The following SUN2 variants were observed in gnomAD, a reference collection of about 807,000 sequenced individuals.
SUN2 encodes the protein Sad1 and UNC84 domain containing 2.
In SUN2, 60 loss-of-function variants were observed where a neutral mutation model predicts 100.0. The observed-to-expected ratio is 0.60, with a 90% confidence interval of 0.49 to 0.74. The LOEUF (loss-of-function observed/expected upper bound fraction) is 0.74, where lower values mean the gene tolerates loss of function less well. Among genes scored for constraint, SUN2 ranks in the 30% least tolerant of loss-of-function variants. SUN2 has a pLI of 0.00. For missense variants in SUN2, 834 were observed against 954.6 expected, an observed-to-expected ratio of 0.87 and a Z score of 1.66; for synonymous variants, 367 against 403.3, an observed-to-expected ratio of 0.91 and a Z score of 1.08.
Position 38,755,304 on chromosome 22 carries a change from G to T in SUN2, c.-38+459C>A. The T allele has an allele frequency of 8.9e-7, 1 of 1,120,384 alleles. No homozygotes were observed. Among genetic ancestry groups the T allele is most frequent in the Non-Finnish European group, 1.1e-6 (1 of 907,782 alleles). 69.4% of individuals were successfully genotyped at this position (1,120,384 alleles called of 1,614,324 possible). A position where few individuals can be genotyped will look rare whatever the true frequency, so the allele number is the denominator to read the frequency against. On this transcript the variant is annotated intron_variant, in intron 1 of 17. Transcript: ENST00000689035. The surrounding 1 kb of genome is among the most constrained non-coding windows in gnomAD (Gnocchi z 5.7). The stretch of plus-strand genomic sequence containing the variant: ...AATTGTCACCAAAGGCGCGCCTCCT[G>T]GCTCTCTAAGTCACACCGCGCCCCC...
intron 9 of SUN2, 72 bp from the exon 10 acceptor site, chr22:38,741,643 C>T (rs146370107): frequency 2.5e-5 from 36 of 1,426,170 alleles, no homozygotes; most frequent in East Asian, 6.9e-5. Flanking sequence ...TAGGAAGTGG[C>T]GGAACTGGAA....
Position 38,736,417 on chromosome 22 carries a change from C to A in SUN2, c.2041-37G>T, listed in dbSNP as rs1365465912. ...AGAAAGGGATTAAGAGCATCAGAGACCTGTGAGGCCTCACTGACAGAGAAG... is the reference window on the plus strand; with the variant it reads ...AGAAAGGGATTAAGAGCATCAGAGAACTGTGAGGCCTCACTGACAGAGAAG... On this transcript the variant is annotated intron_variant, in intron 17 of 17. Transcript: ENST00000689035. 8 of 1,540,716 alleles carry A rather than the reference C, an allele frequency of 5.2e-6. No homozygotes were observed. In the African/African-American group the frequency reaches 9.6e-5, roughly 18 times the overall value.
In SUN2 at chr22:38,755,551, G is replaced by T. The variant is rs1237403191; in HGVS notation, c.-38+212C>A. ...TCCCGCCCGCAGACACCGCCCTCCC[G>T]GCTGACCAGTGGCGCGGCAGGCGGG... On this transcript the variant is annotated intron_variant, in intron 1 of 17. Coordinates refer to ENST00000689035, the MANE Select transcript of SUN2 (RefSeq NM_015374.3). The surrounding 1 kb of genome is among the most constrained non-coding windows in gnomAD (Gnocchi z 5.7). 6.2e-6 allele frequency: 6 copies of T among 973,454 alleles called. No individual in the cohort carries two copies. Among genetic ancestry groups the T allele is most frequent in the Admixed American group, 1.2e-4 (2 of 16,420 alleles). The allele number at this position is 973,454 out of a possible 1,614,324, so 60.3% of individuals were successfully genotyped here. A position where few individuals can be genotyped will look rare whatever the true frequency, so the allele number is the denominator to read the frequency against.
At position 38,738,865 on chromosome 22, in the gene SUN2, G is replaced by A. The variant is rs770843485; in HGVS notation, c.1779+8C>T. ...GAGCCCCCGCTGCTGTGCTTGCCAG[G>A]TGCCCACCTGGAGGATGACTCGGGG... On this transcript the variant is annotated splice_region_variant and intron_variant, in intron 15 of 17. Coordinates refer to ENST00000689035, the MANE Select transcript of SUN2 (RefSeq NM_015374.3). This position sits in a 1 kb window ranked among gnomAD's most constrained non-coding sequence, Gnocchi z 6.6. The A allele has an allele frequency of 6.2e-7, 1 of 1,600,226 alleles. No homozygotes were observed. Among genetic ancestry groups the A allele is most frequent in the South Asian group, 1.1e-5 (1 of 89,672 alleles).
At chr22:38,754,601 TCTCCCCTCCCCC>T in intron 1 of SUN2, 1 of 1,018,394 alleles carries the variant, frequency 9.8e-7, no homozygotes, top group Non-Finnish European at 1.3e-6. Flanking sequence ...TATAAGGTAA[TCTCCCCTCCCCC>T]CTCCCTGCCC....
rs751159582 is a variant in SUN2 at position 38,736,378 on chromosome 22, G to C, written c.2043C>G (p.Ala681=). The change falls in exon 18 of 18, where the codon GCC becomes GCG. Residue 681 remains alanine (A), a splice_region_variant and synonymous_variant. Coordinates refer to ENST00000689035, the MANE Select transcript of SUN2 (RefSeq NM_015374.3). ...CCACCTGGTACGTGGCCATCGTAGGGGCCTGGGTAGAGAAGAAAGGGATTA... is the reference window on the plus strand; with the variant it reads ...CCACCTGGTACGTGGCCATCGTAGGCGCCTGGGTAGAGAAGAAAGGGATTA... The part of the protein sequence containing the change: ...GEPIQTFHFQ[A]PTMATYQVVE... The C allele has an allele frequency of 1.9e-6, 3 of 1,611,842 alleles. No individual in the cohort carries two copies. The highest frequency in any genetic ancestry group is 2.7e-5 in the African/African-American group (2 of 74,860).
rs1446960911 is a variant in SUN2 at position 38,749,803 on chromosome 22, T to G, written c.577A>C (p.Thr193Pro). 9.3e-6 allele frequency: 15 copies of G among 1,614,120 alleles called. No individual in the cohort carries two copies. Among genetic ancestry groups the G allele is most frequent in the Non-Finnish European group, 1.3e-5 (15 of 1,180,012 alleles). Residue 193 changes from threonine to proline, a missense_variant, in exon 6 of 18, where the codon ACA (threonine) becomes CCA (proline). Coordinates refer to ENST00000689035, the MANE Select transcript of SUN2 (RefSeq NM_015374.3). ...AAGACGTCAAGGAGGGAGGCAGCTG[T>G]GGTCAGGCGGTACCAGGTGGTGCCA... ...WAGTTWYRLT[T>P]AASLLDVFVL...
At chr22:38,753,210 C>CTTTTTTTTTTTT (rs869037443) in intron 1 of SUN2, among the ~76,000 whole-genome samples, 2 of 86,262 alleles carry the variant, frequency 2.3e-5, no homozygotes, top group African/African-American at 5.1e-5. Context: ...CACCTATGTT[C>CTTTTTTTTTTTT]TTTTTTTTTT....
In SUN2 at chr22:38,736,261, G is replaced by C. The variant is rs369326957; in HGVS notation, c.*6C>G. The C allele has an allele frequency of 6.2e-7, 1 of 1,609,830 alleles. No homozygotes were observed. The highest frequency in any genetic ancestry group is 1.3e-5 in the African/African-American group (1 of 74,968). Reference sequence around the variant, plus strand: ...GATGGCTGGCAGCAGGCACCAGTAAGCAGGGCTAGTGGGCGGGCTCCCCAT... The same window carrying C: ...GATGGCTGGCAGCAGGCACCAGTAACCAGGGCTAGTGGGCGGGCTCCCCAT... On this transcript the variant is annotated 3_prime_UTR_variant, in exon 18 of 18. Coordinates refer to ENST00000689035, the MANE Select transcript of SUN2 (RefSeq NM_015374.3).
In SUN2 at chr22:38,736,122, C is replaced by G; in HGVS notation, c.*145G>C. On this transcript the variant is annotated 3_prime_UTR_variant, in exon 18 of 18. Transcript: ENST00000689035. ...CGAGCCACCTGCTGCTCAGGAGACC[C>G]TGCCCGTCCTTTTCATCTGCATGGG... is the stretch of plus-strand genomic sequence containing the variant. 1 of 791,030 alleles carries G rather than the reference C, an allele frequency of 1.3e-6. No homozygotes were observed. The allele number at this position is 791,030 out of a possible 1,614,324, so 49.0% of individuals were successfully genotyped here. A position where few individuals can be genotyped will look rare whatever the true frequency, so the allele number is the denominator to read the frequency against.
intron 10 of SUN2, 142 bp from the exon 11 acceptor site, chr22:38,741,192 G>A (rs1168814989): frequency 2.2e-6 from 2 of 922,386 alleles, no homozygotes; most frequent in Non-Finnish European, 3.4e-6. Flanking sequence ...AAATCAAACT[G>A]GCCTCCTTGT....
At chr22:38,751,794 C>T (rs1247845101) in intron 2 of SUN2, among the ~76,000 whole-genome samples, 1 of 152,184 alleles carries the variant, frequency 6.6e-6, no homozygotes, top group African/African-American at 2.4e-5. Flanking sequence ...TGTCGCTGGC[C>T]AGCTGCTGAG....
Position 38,738,909 on chromosome 22 carries a change from CA to C in SUN2, c.1742del (p.Leu581ArgfsTer46). 6.2e-7 allele frequency: 1 copy of C among 1,611,676 alleles called. No individual in the cohort carries two copies. Among genetic ancestry groups the C allele is most frequent in the Non-Finnish European group, 8.5e-7 (1 of 1,178,580 alleles). On this transcript the variant is annotated frameshift_variant, in exon 15 of 18. Coordinates refer to ENST00000689035, the MANE Select transcript of SUN2 (RefSeq NM_015374.3). LOFTEE classifies it high-confidence loss of function. The surrounding 1 kb of genome is among the most constrained non-coding windows in gnomAD (Gnocchi z 6.6). ...CTCGGGGTGACTGGGAGTGGTACCA[CA>C]GGGGGATGCCGAAGAGGCTGAGGAG... ...TALLSLFGIP[L>X]WYHSQSPRVI...
chr22:38,745,605 G>C, intron 8 of SUN2, 79 bp downstream of exon 8: 4 of 1,568,340 alleles, frequency 2.6e-6, no homozygotes, highest in Non-Finnish European at 3.5e-6. Context: ...GTGTGAGGCA[G>C]GCTGAGGGCG....
chr22:38,748,561 C>T, intron 7 of SUN2, 152 bp downstream of exon 7: 1 of 826,330 alleles, frequency 1.2e-6, no homozygotes, highest in Non-Finnish European at 2.0e-6. Context: ...GTGGGGAGGG[C>T]CATGCAGAGA....
At position 38,740,975 on chromosome 22, in the gene SUN2, G is replaced by A; in HGVS notation, c.1190+32C>T. 1.3e-6 allele frequency: 2 copies of A among 1,575,502 alleles called. No individual in the cohort carries two copies. The highest frequency in any genetic ancestry group is 1.7e-6 in the Non-Finnish European group (2 of 1,160,860). On this transcript the variant is annotated intron_variant, in intron 11 of 17. Transcript: ENST00000689035. This position sits in a 1 kb window ranked among gnomAD's most constrained non-coding sequence, Gnocchi z 4.8. ...GGAGAGTGGGTGGGGCTGGGGAGGAGCAGGCCGAGGCCAGCTGGTGGCGCC... is the reference window on the plus strand; with the variant it reads ...GGAGAGTGGGTGGGGCTGGGGAGGAACAGGCCGAGGCCAGCTGGTGGCGCC...
chr22:38,750,899 C>T lies in SUN2; in HGVS notation c.423G>A (p.Val141=). The T allele has an allele frequency of 6.2e-7, 1 of 1,614,022 alleles. No individual in the cohort carries two copies. Among genetic ancestry groups the T allele is most frequent in the Non-Finnish European group, 8.5e-7 (1 of 1,180,018 alleles). ...CAGGAGGGAGGAAGCATCGCCTACC[C>T]ACGTAGTCGTCCTCAGAGGAGTAGC... The part of the protein sequence containing the change: ...SSGYSSEDDY[V]GYSDVDQQSS... Residue 141 remains valine, a splice_region_variant and synonymous_variant, in exon 4 of 18, where the codon GTG becomes GTA. Coordinates refer to ENST00000689035, the MANE Select transcript of SUN2 (RefSeq NM_015374.3).
chr22:38,736,695 C>T (rs186594166), intron 17 of SUN2: 4 of 218,000 alleles, frequency 1.8e-5, no homozygotes, highest in Non-Finnish European at 3.7e-5. Context: ...ATGTGGGGCA[C>T]ACTTGATTCT....
chr22:38,741,604 A>G (rs988063208), intron 9 of SUN2, 33 bp from the exon 10 acceptor site: 1 of 1,602,744 alleles, frequency 6.2e-7, no homozygotes, highest in African/African-American at 1.3e-5. Context: ...CAGGTTGGAC[A>G]GAGCCATGCT....
Sources: allele counts gnomAD v4.1 joint callset (sites outside exome capture counted in the v4.1 genomes callset), GRCh38; gene constraint gnomAD v4.1.1; non-coding constraint Gnocchi (gnomAD v3.1); transcripts MANE v1.5; gene names NCBI Gene and HGNC (gene_info 2026-07-23, HGNC 2026-07-21).